Variants in YEATS2 observed in about 807,000 individuals in gnomAD.
YEATS2 encodes the protein YEATS domain containing 2, also known as YEATS domain-containing protein 2.
In YEATS2, 77 loss-of-function variants were observed where a neutral mutation model predicts 163.2. That is an observed-to-expected ratio of 0.47 (90% CI 0.39 to 0.57). The LOEUF (loss-of-function observed/expected upper bound fraction) is 0.57. YEATS2 is among the 20% of genes least tolerant of loss of function. YEATS2 has a pLI of 0.00. For synonymous variants in YEATS2, 631 were observed against 645.1 expected, an observed-to-expected ratio of 0.98 and a Z score of 0.33; for missense variants, 1,549 against 1,729.8, an observed-to-expected ratio of 0.90 and a Z score of 1.85.
rs1176974770 is a variant in YEATS2 at position 183,796,148 on chromosome 3, A to ATTTTT, written c.3098-1758_3098-1754dup. Among the ~76,000 whole-genome samples, 653 of 96,024 alleles carry ATTTTT rather than the reference A, an allele frequency of 6.8e-3. 12 individuals are homozygous for ATTTTT. Among genetic ancestry groups the ATTTTT allele is most frequent in the African/African-American group, 0.026 (603 of 23,282 alleles). 63.0% of individuals were successfully genotyped at this position (96,024 alleles called of 152,430 possible). A position where few individuals can be genotyped will look rare whatever the true frequency, so the allele number is the denominator to read the frequency against. On this transcript the variant is annotated intron_variant, in intron 21 of 30. Coordinates refer to ENST00000305135, the MANE Select transcript of YEATS2 (RefSeq NM_018023.5). ...CAGGCACCTGCCACCATGCCCGGCT[A>ATTTTT]TTTTTTTTTTTTTTTTTTTTTGTAT...
chr3:183,787,944 A>G (rs1190213320), intron 20 of YEATS2, among the ~76,000 whole-genome samples: 1 of 152,112 alleles, frequency 6.6e-6, no homozygotes, highest in Non-Finnish European at 1.5e-5. Context: ...CAGAGCTTGC[A>G]GTGAGCCGAG....
chr3:183,808,856 A>T (rs1726502336), intron 29 of YEATS2: 1 of 405,474 alleles, frequency 2.5e-6, no homozygotes, highest in Non-Finnish European at 4.5e-6. Flanking sequence ...ACTCCATCTC[A>T]AAATAAATAA....
chr3:183,701,829 C>T (rs998105769), intron 1 of YEATS2, among the ~76,000 whole-genome samples: 1 of 151,926 alleles, frequency 6.6e-6, no homozygotes, highest in African/African-American at 2.4e-5. Flanking sequence ...AAGTTCAAGC[C>T]CCTCCCCACT....
At position 183,810,978 on chromosome 3, in the gene YEATS2, G is replaced by C. The variant is rs552349605; in HGVS notation, c.*395G>C. On this transcript the variant is annotated 3_prime_UTR_variant, in exon 31 of 31. Transcript: ENST00000305135. ...GCAGGCTAGAGATTTCACCCATTTT[G>C]TGGGCTGGAGTTACCAGTAGCTCCA... 3 of 205,854 alleles carry C rather than the reference G, an allele frequency of 1.5e-5. No individual in the cohort carries two copies. The highest frequency in any genetic ancestry group is 7.0e-5 in the African/African-American group (3 of 42,972). 12.8% of individuals were successfully genotyped at this position (205,854 alleles called of 1,614,324 possible). A position where few individuals can be genotyped will look rare whatever the true frequency, so the allele number is the denominator to read the frequency against.
chr3:183,761,980 C>T (rs1421959143), intron 14 of YEATS2, 117 bp from the exon 15 acceptor site: 13 of 1,340,402 alleles, frequency 9.7e-6, no homozygotes, highest in South Asian at 5.0e-5. Context: ...TCATTCTTTA[C>T]GTATCAAGTT....
At chr3:183,777,797 G>A in intron 19 of YEATS2, 97 bp downstream of exon 19, 7 of 1,443,178 alleles carry the variant, frequency 4.9e-6, no homozygotes, top group Non-Finnish European at 6.5e-6. Flanking sequence ...AGAAATTAAG[G>A]TTACATAAGA....
chr3:183,699,589 A>G lies in YEATS2; in HGVS notation c.-20+1596A>G, dbSNP rs530110952. ...TGGGAGTGATCTGTACGTAGATGATATTCAAAGGTATGGTGCTGTGTGAGA... is the reference window on the plus strand; with the variant it reads ...TGGGAGTGATCTGTACGTAGATGATGTTCAAAGGTATGGTGCTGTGTGAGA... On this transcript the variant is annotated intron_variant, in intron 1 of 30. Transcript: ENST00000305135. Among the ~76,000 whole-genome samples, 5 of 152,090 alleles carry G rather than the reference A, an allele frequency of 3.3e-5. No homozygotes were observed. In the South Asian group the frequency reaches 8.3e-4, roughly 25 times the overall value.
rs553082905 is a variant in YEATS2, at chr3:183,810,661, G to A, written c.*78G>A. On this transcript the variant is annotated 3_prime_UTR_variant, in exon 31 of 31. Transcript: ENST00000305135. ...ACTGAGGACCCTGCTGCTCGGGAAGGAGGTGGTTTCCAGTGTGACTCGGCA... is the reference window on the plus strand; with the variant it reads ...ACTGAGGACCCTGCTGCTCGGGAAGAAGGTGGTTTCCAGTGTGACTCGGCA... The A allele has an allele frequency of 3.6e-6, 5 of 1,373,862 alleles. No homozygotes were observed. The highest frequency in any genetic ancestry group is 1.2e-5 in the South Asian group (1 of 81,736). The allele number at this position is 1,373,862 out of a possible 1,614,324, so 85.1% of individuals were successfully genotyped here. A position where few individuals can be genotyped will look rare whatever the true frequency, so the allele number is the denominator to read the frequency against.
chr3:183,759,136 G>A (rs1721081848), intron 13 of YEATS2, among the ~76,000 whole-genome samples, 171 bp downstream of exon 13: 1 of 152,226 alleles, frequency 6.6e-6, no homozygotes, highest in African/African-American at 2.4e-5. Context: ...TTACAGGCAT[G>A]AGCTGCACCC....
At chr3:183,781,764 A>G (rs900598002) in intron 19 of YEATS2, among the ~76,000 whole-genome samples, 4 of 152,172 alleles carry the variant, frequency 2.6e-5, no homozygotes, top group Non-Finnish European at 5.9e-5. Flanking sequence ...TACCTGGGCC[A>G]TGGTGGCACA....
Position 183,718,548 on chromosome 3 carries a change from G to A in YEATS2, c.247G>A (p.Val83Ile). ...GATGGATAAACTGCGTGCCTGCATTGTAGCAAACTACTATGCTTCTGCAGG... is the reference window on the plus strand; with the variant it reads ...GATGGATAAACTGCGTGCCTGCATTATAGCAAACTACTATGCTTCTGCAGG... The part of the protein sequence containing the change: ...RMMDKLRACI[V>I]ANYYASAGLL... Residue 83 changes from valine to isoleucine, a missense_variant, in exon 4 of 31, where the codon GTA becomes ATA. Coordinates refer to ENST00000305135, the MANE Select transcript of YEATS2 (RefSeq NM_018023.5). The A allele has an allele frequency of 6.2e-7, 1 of 1,613,684 alleles. No individual in the cohort carries two copies. The highest frequency in any genetic ancestry group is 2.2e-5 in the East Asian group (1 of 44,850).
intron 20 of YEATS2, among the ~76,000 whole-genome samples, 181 bp downstream of exon 20, chr3:183,786,482 C>T (rs1409570276): frequency 6.6e-6 from 1 of 151,858 alleles, no homozygotes; most frequent in Non-Finnish European, 1.5e-5. Context: ...TTCAGTAGTG[C>T]TTGTCATTCA....
chr3:183,779,329 T>C (rs562761459), intron 19 of YEATS2, among the ~76,000 whole-genome samples: 1 of 152,354 alleles, frequency 6.6e-6, no homozygotes, highest in South Asian at 2.1e-4. Flanking sequence ...TTTTGTTCTT[T>C]TTTGTCGAAT....
intron 10 of YEATS2, among the ~76,000 whole-genome samples, chr3:183,752,514 CCTGA>C (rs1345834064): frequency 1.3e-5 from 2 of 151,844 alleles, no homozygotes; most frequent in Non-Finnish European, 2.9e-5. Flanking sequence ...TTAAGACCAT[CCTGA>C]CTAACACGGT....
chr3:183,760,524 G>A (rs781556834), intron 13 of YEATS2, among the ~76,000 whole-genome samples: 10 of 152,022 alleles, frequency 6.6e-5, no homozygotes, highest in African/African-American at 9.7e-5. Context: ...GTTTCTCCAC[G>A]TTGGTCAGGC....
intron 11 of YEATS2, among the ~76,000 whole-genome samples, chr3:183,755,106 C>G (rs1720578282): frequency 6.6e-6 from 1 of 151,888 alleles, no homozygotes; most frequent in Non-Finnish European, 1.5e-5. Flanking sequence ...TAAATAGCTT[C>G]TAATTGGTAG....
At chr3:183,782,850 T>A (rs1399790303) in intron 19 of YEATS2, among the ~76,000 whole-genome samples, 1 of 152,220 alleles carries the variant, frequency 6.6e-6, no homozygotes, top group Non-Finnish European at 1.5e-5. Flanking sequence ...ACACAGATAT[T>A]TTTCTGCAGA....
intron 9 of YEATS2, among the ~76,000 whole-genome samples, chr3:183,750,366 T>C (rs1720036833): frequency 6.6e-6 from 1 of 152,264 alleles, no homozygotes; most frequent in South Asian, 2.1e-4. Flanking sequence ...CTTTTGGCTG[T>C]TGTTAATAGT....
At chr3:183,810,351 T>G in intron 30 of YEATS2, 124 bp from the exon 31 acceptor site, 1 of 800,388 alleles carries the variant, frequency 1.2e-6, no homozygotes, top group Non-Finnish European at 2.1e-6. Context: ...GCTATGTCTG[T>G]GGCTCAGGAG....
Sources: allele counts gnomAD v4.1 joint callset (sites outside exome capture counted in the v4.1 genomes callset), GRCh38; gene constraint gnomAD v4.1.1; transcripts MANE v1.5; gene names NCBI Gene and HGNC (gene_info 2026-07-23, HGNC 2026-07-21).